Variants in KSR1 observed in about 807,000 individuals in gnomAD.
KSR1 encodes kinase suppressor of ras 1, also known as kinase suppressor of ras.
A neutral mutation model predicts 92.9 loss-of-function variants in KSR1; 35 were observed. The ratio of observed to expected loss-of-function variants is 0.38; its 90% confidence interval spans 0.29 to 0.50. KSR1 has a LOEUF of 0.50. KSR1 is among the 20% of genes least tolerant of loss of function. KSR1 has a pLI of 0.94. For missense variants in KSR1, 972 were observed against 1,158.5 expected (o/e 0.84, Z 2.34); for synonymous variants, 467 against 472.6 (o/e 0.99, Z 0.15).
intron 2 of KSR1, among the ~76,000 whole-genome samples, chr17:27,561,891 G>T (rs2071844757): frequency 6.6e-6 from 1 of 152,100 alleles, no homozygotes; most frequent in Non-Finnish European, 1.5e-5. Context: ...TGTCGCCCAG[G>T]CTGGAGTAGA....
intron 19 of KSR1, among the ~76,000 whole-genome samples, chr17:27,619,112 C>A (rs191263737): frequency 1.2e-4 from 19 of 152,262 alleles, no homozygotes; most frequent in Middle Eastern, 3.4e-3. Flanking sequence ...AAGAGCCTTT[C>A]TGCCACCCGC....
chr17:27,618,617 G>A (rs1348414327), intron 19 of KSR1, among the ~76,000 whole-genome samples: 1 of 152,202 alleles, frequency 6.6e-6, no homozygotes, highest in African/African-American at 2.4e-5. Context: ...CGCAACACGG[G>A]AGCAGCCACG....
chr17:27,492,529 C>T (rs1435494400), intron 1 of KSR1, among the ~76,000 whole-genome samples: 2 of 152,222 alleles, frequency 1.3e-5, no homozygotes, highest in East Asian at 1.9e-4. Flanking sequence ...TGCTTCCCTT[C>T]CCTTGCTTGG....
At chr17:27,457,081 G>A (rs1450093879) in intron 1 of KSR1, among the ~76,000 whole-genome samples, 1 of 152,152 alleles carries the variant, frequency 6.6e-6, no homozygotes, top group African/African-American at 2.4e-5. Context: ...GGTGCGTCGT[G>A]GGAACTGGGA....
At chr17:27,604,585 G>T in intron 12 of KSR1, 95 bp from the exon 13 acceptor site, 1 of 1,262,586 alleles carries the variant, frequency 7.9e-7, no homozygotes, top group Non-Finnish European at 1.2e-6. Flanking sequence ...GTCAGAGTAA[G>T]TACCTTTGTC....
intron 18 of KSR1, among the ~76,000 whole-genome samples, chr17:27,616,185 A>G (rs779663165): frequency 1.3e-5 from 2 of 152,126 alleles, no homozygotes; most frequent in African/African-American, 2.4e-5. Flanking sequence ...AGCTTCTGGT[A>G]AATTTTCTTT....
chr17:27,596,176 A>T lies in KSR1; in HGVS notation c.1300-1092A>T, dbSNP rs996774935. Among the ~76,000 whole-genome samples the T allele has an allele frequency of 2.0e-5, 3 of 152,248 alleles. No individual in the cohort carries two copies. In the South Asian group the frequency reaches 6.2e-4, roughly 32 times the overall value. On this transcript the variant is annotated intron_variant, in intron 9 of 20. Coordinates refer to ENST00000644974, the MANE Select transcript of KSR1 (RefSeq NM_001394583.1). ...ATTAAAACAAGCACAGTTAAAACCA[A>T]AAAGTTACTAAGCTTCATCTGGTTA...
intron 11 of KSR1, among the ~76,000 whole-genome samples, chr17:27,603,468 G>T (rs909596339): frequency 6.6e-6 from 1 of 152,264 alleles, no homozygotes; most frequent in Non-Finnish European, 1.5e-5. Context: ...TAGCCAGCCT[G>T]TCCAGTAAAT....
At chr17:27,515,491 T>A (rs888083728) in intron 1 of KSR1, among the ~76,000 whole-genome samples, 1 of 152,112 alleles carries the variant, frequency 6.6e-6, no homozygotes, top group Non-Finnish European at 1.5e-5. Context: ...ACTTAATGAC[T>A]TTTTCGGTGT....
chr17:27,488,832 C>T lies in KSR1; in HGVS notation c.231+31958C>T, dbSNP rs537717824. On this transcript the variant is annotated intron_variant, in intron 1 of 20. Transcript: ENST00000644974. ...CATAAAAATTAGCTGGGCGTGGTGGCGCATGCCTGCAGTCCCAGCTACTCG... is the reference window on the plus strand; with the variant it reads ...CATAAAAATTAGCTGGGCGTGGTGGTGCATGCCTGCAGTCCCAGCTACTCG... 2.4e-4 allele frequency among the ~76,000 whole-genome samples: 36 copies of T among 152,256 alleles called. No homozygotes were observed. The East Asian group carries it at 6.4e-3, about 27-fold the overall frequency.
At chr17:27,487,492 T>C (rs2068700879) in intron 1 of KSR1, among the ~76,000 whole-genome samples, 1 of 151,328 alleles carries the variant, frequency 6.6e-6, no homozygotes, top group African/African-American at 2.4e-5. Context: ...CTCACTCCTG[T>C]AATCCCAGCA....
At chr17:27,608,743 G>A (rs2073833590) in intron 15 of KSR1, among the ~76,000 whole-genome samples, 1 of 152,164 alleles carries the variant, frequency 6.6e-6, no homozygotes, top group African/African-American at 2.4e-5. Context: ...CCCCGCTGTG[G>A]GAATGCCTCT....
intron 1 of KSR1, among the ~76,000 whole-genome samples, chr17:27,505,079 G>A (rs963620540): frequency 2.0e-5 from 3 of 152,236 alleles, no homozygotes; most frequent in African/African-American, 7.2e-5. Flanking sequence ...CTTACCTTGA[G>A]AGGGATTGGG....
rs967901687 is a variant in KSR1 at position 27,625,059 on chromosome 17, G to A, written c.*1667G>A. The A allele has an allele frequency of 6.6e-6, 1 of 152,340 alleles. No individual in the cohort carries two copies. The highest frequency in any genetic ancestry group is 2.4e-5 in the African/African-American group (1 of 41,472). The allele number at this position is 152,340 out of a possible 1,614,324, so 9.4% of individuals were successfully genotyped here. A position where few individuals can be genotyped will look rare whatever the true frequency, so the allele number is the denominator to read the frequency against. On this transcript the variant is annotated 3_prime_UTR_variant, in exon 21 of 21. Transcript: ENST00000644974. ...GTAAACCCCGTGGATTCAGCTCCGT[G>A]TGGAGTTTCTGTGCTATGGTGGGAC...
At chr17:27,568,227 G>A (rs773493413) in intron 2 of KSR1, among the ~76,000 whole-genome samples, 4 of 152,202 alleles carry the variant, frequency 2.6e-5, no homozygotes, top group South Asian at 2.1e-4. Context: ...GTTCCTAGGC[G>A]GAGGAGCCTG....
chr17:27,562,305 G>A (rs1485076416), intron 2 of KSR1, among the ~76,000 whole-genome samples: 2 of 152,224 alleles, frequency 1.3e-5, no homozygotes, highest in Non-Finnish European at 2.9e-5. Context: ...TGAATGATTG[G>A]ATTCAAATAA....
chr17:27,527,558 G>C (rs2070362956), intron 1 of KSR1, among the ~76,000 whole-genome samples: 3 of 152,122 alleles, frequency 2.0e-5, no homozygotes. Context: ...ACCAAGCCTG[G>C]CTAATTTTTG....
intron 2 of KSR1, among the ~76,000 whole-genome samples, chr17:27,566,731 G>A (rs114015030): frequency 1.9e-3 from 296 of 152,316 alleles, no homozygotes; most frequent in African/African-American, 6.7e-3. Flanking sequence ...GACTTCATTC[G>A]CTGTCTTCTG....
At chr17:27,584,375 G>A (rs984081659) in intron 4 of KSR1, among the ~76,000 whole-genome samples, 4 of 152,172 alleles carry the variant, frequency 2.6e-5, no homozygotes, top group Non-Finnish European at 5.9e-5. Context: ...GCTCCGATGG[G>A]TTTGAGTATG....
Sources: gnomAD v4.1 joint callset for allele counts (sites outside exome capture counted in the v4.1 genomes callset) on GRCh38, gnomAD v4.1.1 for gene constraint, MANE v1.5 for transcripts, NCBI Gene and HGNC (gene_info 2026-07-23, HGNC 2026-07-21) for gene names.